Variants in MAP4K4 observed in about 807,000 individuals in gnomAD.
The protein encoded by MAP4K4 is HPK/GCK-like kinase HGK.
A neutral mutation model predicts 189.6 loss-of-function variants in MAP4K4; 38 were observed. That is an observed-to-expected ratio of 0.20 (90% confidence interval 0.15 to 0.26). The LOEUF (loss-of-function observed/expected upper bound fraction) is 0.26, where lower values mean the gene tolerates loss of function less well. Among genes scored for constraint, MAP4K4 ranks in the 10% least tolerant of loss-of-function variants. The pLI is 1.00. For missense variants in MAP4K4, 1,054 were observed against 1,726.9 expected, an observed-to-expected ratio of 0.61 and a Z score of 6.91; for synonymous variants, 610 against 624.3, an observed-to-expected ratio of 0.98 and a Z score of 0.34.
chr2:101,859,188 G>A (rs1204140629), intron 14 of MAP4K4, 106 bp downstream of exon 14: 6 of 920,852 alleles, frequency 6.5e-6, no homozygotes, highest in African/African-American at 1.7e-5. Context: ...TTTGCTGTGG[G>A]CAGCCAGGCT....
At chr2:101,893,301 G>A (rs575563397) in exon 33 of MAP4K4, 1 of 455,882 alleles carries the variant, frequency 2.2e-6, no homozygotes, top group South Asian at 1.6e-5. Context: ...AAAAGAAGAT[G>A]GAAATGGATG....
At chr2:101,738,104 C>CA (rs1276345619) in intron 2 of MAP4K4, among the ~76,000 whole-genome samples, 3 of 152,146 alleles carry the variant, frequency 2.0e-5, no homozygotes, top group African/African-American at 7.2e-5. Flanking sequence ...CCTGGTTGGA[C>CA]AGGGAGAAAC....
At chr2:101,791,288 C>CA in intron 3 of MAP4K4, among the ~76,000 whole-genome samples, 1 of 151,780 alleles carries the variant, frequency 6.6e-6, no homozygotes, top group Non-Finnish European at 1.5e-5. Context: ...AATTTAGTAG[C>CA]AAAAAATAGT....
At chr2:101,837,250 T>C (rs1467389540) in intron 9 of MAP4K4, among the ~76,000 whole-genome samples, 1 of 152,084 alleles carries the variant, frequency 6.6e-6, no homozygotes, top group Non-Finnish European at 1.5e-5. Flanking sequence ...GTTTATGCTT[T>C]TTTTTCTTGT....
At chr2:101,701,978 G>A (rs1194590990) in intron 2 of MAP4K4, among the ~76,000 whole-genome samples, 2 of 152,136 alleles carry the variant, frequency 1.3e-5, no homozygotes, top group African/African-American at 4.8e-5. Flanking sequence ...TGATTCTCCT[G>A]CCTCAGCCTC....
chr2:101,877,130 C>A, exon 27 of MAP4K4: 1 of 1,613,982 alleles, frequency 6.2e-7, no homozygotes, highest in South Asian at 1.1e-5. Context: ...GCTTGAATGT[C>A]TTGGTGACAA....
At chr2:101,881,904 T>C (rs569717739) in intron 27 of MAP4K4, among the ~76,000 whole-genome samples, 1 of 152,314 alleles carries the variant, frequency 6.6e-6, no homozygotes, top group African/African-American at 2.4e-5. Context: ...CCACAATGTA[T>C]TTACTCATTT....
At chr2:101,778,303 CGT>C (rs2085371563) in intron 2 of MAP4K4, among the ~76,000 whole-genome samples, 1 of 152,220 alleles carries the variant, frequency 6.6e-6, no homozygotes, top group South Asian at 2.1e-4. Flanking sequence ...CTCACCTCTG[CGT>C]GTCTCTGATT....
chr2:101,873,829 G>A, intron 25 of MAP4K4, 65 bp downstream of exon 25: 2 of 1,180,744 alleles, frequency 1.7e-6, no homozygotes, highest in Non-Finnish European at 2.5e-6. Context: ...TGCTCTTTTG[G>A]GTGGCTTAGG....
intron 2 of MAP4K4, among the ~76,000 whole-genome samples, chr2:101,787,182 C>T (rs1019876837): frequency 3.3e-5 from 5 of 152,318 alleles, no homozygotes; most frequent in Middle Eastern, 3.4e-3. Flanking sequence ...GACCCACCAT[C>T]AGGTGGGTCC....
chr2:101,699,234 C>CCAGG (rs938418647), intron 2 of MAP4K4, among the ~76,000 whole-genome samples: 3 of 152,112 alleles, frequency 2.0e-5, no homozygotes, highest in African/African-American at 7.2e-5. Flanking sequence ...TTACACCCAC[C>CCAGG]CAGGTCTTTC....
At chr2:101,709,854 C>A (rs112200456) in intron 2 of MAP4K4, among the ~76,000 whole-genome samples, 1,646 of 152,164 alleles carry the variant, frequency 0.011, 10 homozygotes, top group Middle Eastern at 0.041. Context: ...GAGTATTTTT[C>A]TTATATTTTA....
chr2:101,726,043 C>T (rs779030760), intron 2 of MAP4K4, among the ~76,000 whole-genome samples: 1 of 152,212 alleles, frequency 6.6e-6, no homozygotes, highest in African/African-American at 2.4e-5. Flanking sequence ...TGTCTTTTAG[C>T]TTCACCGCTT....
At chr2:101,831,632 A>C in intron 6 of MAP4K4, 89 bp from the exon 7 acceptor site, 8 of 1,375,052 alleles carry the variant, frequency 5.8e-6, no homozygotes, top group Non-Finnish European at 6.1e-6. Flanking sequence ...TTTACTATGA[A>C]GACATTTCCT....
chr2:101,818,324 C>T (rs2095842905), intron 3 of MAP4K4, among the ~76,000 whole-genome samples: 1 of 152,172 alleles, frequency 6.6e-6, no homozygotes, highest in African/African-American at 2.4e-5. Context: ...CTCATTTTAT[C>T]CGTCCTCTCT....
chr2:101,709,787 A>G (rs775115293), intron 2 of MAP4K4, among the ~76,000 whole-genome samples: 3 of 152,028 alleles, frequency 2.0e-5, no homozygotes, highest in Non-Finnish European at 4.4e-5. Flanking sequence ...TAAATAAATG[A>G]TTTGCTATGT....
chr2:101,866,380 C>T, intron 18 of MAP4K4, 48 bp from the exon 19 acceptor site: 1 of 1,563,730 alleles, frequency 6.4e-7, no homozygotes, highest in Non-Finnish European at 8.8e-7. Flanking sequence ...TTTGGTGCTG[C>T]ATCTAGAGAT....
At position 101,856,231 on chromosome 2, in the gene MAP4K4, G is replaced by A. The variant is rs2097450693; in HGVS notation, c.1395+93G>A. ...TTTAGAAAGTATACACACATGTGAT[G>A]CATACACACATGTACACACATACAC... On this transcript the variant is annotated intron_variant, in intron 13 of 32. Coordinates refer to ENST00000324219, the Ensembl canonical transcript of MAP4K4. The A allele has an allele frequency of 2.5e-6, 3 of 1,202,134 alleles. No homozygotes were observed. The East Asian group carries it at 7.7e-5, about 31-fold the overall frequency. 74.5% of individuals were successfully genotyped at this position (1,202,134 alleles called of 1,614,324 possible).
At chr2:101,760,536 G>A (rs1488963271) in intron 2 of MAP4K4, among the ~76,000 whole-genome samples, 102 of 142,748 alleles carry the variant, frequency 7.1e-4, no homozygotes, top group African/African-American at 2.6e-3. Flanking sequence ...ATATATGTGT[G>A]TGTGTGTGTG....
Sources: allele counts gnomAD v4.1 joint callset (sites outside exome capture counted in the v4.1 genomes callset), GRCh38; gene constraint gnomAD v4.1.1; transcripts MANE v1.5; gene names NCBI Gene and HGNC (gene_info 2026-07-23, HGNC 2026-07-21).